The following PTPRE variants were observed in gnomAD, a reference collection of about 807,000 sequenced individuals.
PTPRE encodes protein tyrosine phosphatase receptor type E, also known as receptor-type tyrosine-protein phosphatase epsilon.
In PTPRE, 51 loss-of-function variants were observed where a neutral mutation model predicts 102.0. The ratio of observed to expected loss-of-function variants is 0.50; its 90% CI spans 0.40 to 0.63. The LOEUF (loss-of-function observed/expected upper bound fraction) is 0.63, where lower values mean the gene tolerates loss of function less well. Ranked by LOEUF, PTPRE falls within the 30% of genes least tolerant of loss-of-function variation. The pLI is 0.00. For synonymous variants in PTPRE, 345 were observed against 348.2 expected (o/e 0.99, Z 0.10); for missense variants, 752 against 915.1 (o/e 0.82, Z 2.30).
intron 1 of PTPRE, among the ~76,000 whole-genome samples, chr10:127,913,335 T>G (rs1406274726): frequency 6.6e-6 from 1 of 152,224 alleles, no homozygotes; most frequent in Non-Finnish European, 1.5e-5. Context: ...CAAACATAAT[T>G]TTTGGTTATT....
At chr10:128,080,416 G>A (rs537889633) in intron 20 of PTPRE, among the ~76,000 whole-genome samples, 1 of 152,302 alleles carries the variant, frequency 6.6e-6, no homozygotes, top group East Asian at 1.9e-4. Context: ...AGAGAGGCAG[G>A]AAGGAGGCCC....
chr10:128,049,795 T>G, intron 6 of PTPRE, 129 bp downstream of exon 6: 1 of 1,341,818 alleles, frequency 7.5e-7, no homozygotes, highest in Non-Finnish European at 1.0e-6. Context: ...GTCCCATGAA[T>G]GGGCGTGTGA....
rs1396384256 is a variant in PTPRE at position 128,008,372 on chromosome 10, C to T, written c.-8+26076C>T. 2.0e-5 allele frequency among the ~76,000 whole-genome samples: 3 copies of T among 152,080 alleles called. No homozygotes were observed. The highest frequency in any genetic ancestry group is 4.4e-5 in the Non-Finnish European group (3 of 68,026). On this transcript the variant is annotated intron_variant, in intron 2 of 20. Transcript: ENST00000254667. This position sits in a 1 kb window ranked among gnomAD's most constrained non-coding sequence, Gnocchi z 4.0. ...AAGGTGAGATAAAGTCCCTGGGATGCCAAGCTCTCTCTGGACCTGAAAAAG... is the reference window on the plus strand; with the variant it reads ...AAGGTGAGATAAAGTCCCTGGGATGTCAAGCTCTCTCTGGACCTGAAAAAG...
chr10:127,949,611 C>G (rs1275922808), intron 1 of PTPRE, among the ~76,000 whole-genome samples: 1 of 152,166 alleles, frequency 6.6e-6, no homozygotes, highest in Non-Finnish European at 1.5e-5. Context: ...GAATATGCCA[C>G]GTTCATTGGT....
intron 1 of PTPRE, among the ~76,000 whole-genome samples, chr10:127,978,002 A>T (rs1851314559): frequency 6.6e-6 from 1 of 152,202 alleles, no homozygotes; most frequent in Admixed American, 6.5e-5. Context: ...GGGCCAGGCT[A>T]CTTCCAAAGA....
At chr10:127,970,750 T>C (rs531136181) in intron 1 of PTPRE, among the ~76,000 whole-genome samples, 3 of 151,390 alleles carry the variant, frequency 2.0e-5, no homozygotes, top group Non-Finnish European at 4.4e-5. Flanking sequence ...GTTTCCATCA[T>C]GGCTGCGCTC....
intron 11 of PTPRE, among the ~76,000 whole-genome samples, chr10:128,067,145 G>GCA (rs71889727): frequency 0.13 from 18,146 of 143,272 alleles, 1,253 homozygotes; most frequent in East Asian, 0.25. Flanking sequence ...ACACACATGT[G>GCA]CACACACACC....
At chr10:128,038,494 CATGTCCT>C (rs1397099339) in intron 2 of PTPRE, among the ~76,000 whole-genome samples, 2 of 152,106 alleles carry the variant, frequency 1.3e-5, no homozygotes, top group Non-Finnish European at 2.9e-5. Flanking sequence ...GGGATGAGTT[CATGTCCT>C]TTGTAGGGAC....
chr10:128,049,423 G>C, intron 5 of PTPRE, 107 bp from the exon 6 acceptor site: 2 of 1,406,438 alleles, frequency 1.4e-6, no homozygotes, highest in Admixed American at 3.7e-5. Context: ...AACTGTTCCA[G>C]CTCCAGCCTG....
intron 1 of PTPRE, among the ~76,000 whole-genome samples, chr10:127,950,362 C>T (rs1478118636): frequency 6.6e-6 from 1 of 152,068 alleles, no homozygotes; most frequent in Non-Finnish European, 1.5e-5. Flanking sequence ...AAAGATGGTC[C>T]ACCATGACTG....
intron 7 of PTPRE, among the ~76,000 whole-genome samples, chr10:128,058,933 T>C (rs1446601635): frequency 1.3e-5 from 2 of 152,190 alleles, no homozygotes; most frequent in Admixed American, 1.3e-4. Flanking sequence ...TCAAGGTGCT[T>C]TGCATGTCAG....
At chr10:127,923,473 G>A (rs1016418865) in intron 1 of PTPRE, among the ~76,000 whole-genome samples, 12 of 142,320 alleles carry the variant, frequency 8.4e-5, no homozygotes, top group East Asian at 4.2e-4. Context: ...GCACGAACTC[G>A]GCTCACCGCA....
intron 2 of PTPRE, among the ~76,000 whole-genome samples, chr10:127,994,268 C>G (rs905076443): frequency 6.6e-6 from 1 of 152,192 alleles, no homozygotes; most frequent in African/African-American, 2.4e-5. Flanking sequence ...GGGAGCACAG[C>G]CAGAGCTCTC....
At chr10:128,013,624 T>C (rs1845191285) in intron 2 of PTPRE, among the ~76,000 whole-genome samples, 1 of 151,562 alleles carries the variant, frequency 6.6e-6, no homozygotes, top group African/African-American at 2.4e-5. Flanking sequence ...CCTTGGGAGG[T>C]GATTAGGTCA....
At chr10:127,972,808 G>T (rs189739677) in intron 1 of PTPRE, among the ~76,000 whole-genome samples, 6 of 152,334 alleles carry the variant, frequency 3.9e-5, no homozygotes, top group Admixed American at 3.9e-4. Flanking sequence ...CATGCAGGTG[G>T]CAGGTGGGAG....
chr10:128,067,222 GCA>G (rs149934671), intron 11 of PTPRE, among the ~76,000 whole-genome samples: 6,914 of 99,202 alleles, frequency 0.07, 182 homozygotes, highest in African/African-American at 0.096. Context: ...ACATTCACAT[GCA>G]CACACATGCA....
intron 1 of PTPRE, among the ~76,000 whole-genome samples, chr10:127,917,952 C>A (rs978192646): frequency 2.0e-5 from 3 of 152,096 alleles, no homozygotes; most frequent in African/African-American, 7.2e-5. Context: ...ATCGCTTGAA[C>A]CCATGACACA....
rs781329478 is a variant in PTPRE at position 128,069,790 on chromosome 10, G to A, written c.1106G>A (p.Arg369Gln). The A allele has an allele frequency of 1.3e-5, 21 of 1,614,200 alleles. No homozygotes were observed. The highest frequency in any genetic ancestry group is 1.7e-5 in the Non-Finnish European group (20 of 1,180,036). The change falls in exon 13 of 21, where the codon CGA becomes CAA. Residue 369 changes from arginine (R) to glutamine (Q), a missense_variant. Transcript: ENST00000254667. The stretch of plus-strand genomic sequence containing the variant: ...GTGGATGTGTTTGAATTTGTGTCTC[G>A]AATCCGTAATCAGCGCCCTCAGATG... ...QKVDVFEFVS[R>Q]IRNQRPQMVQ... is the part of the protein sequence containing the mutation.
chr10:127,993,936 C>G (rs1470617024), intron 2 of PTPRE, among the ~76,000 whole-genome samples: 6 of 152,098 alleles, frequency 3.9e-5, no homozygotes, highest in African/African-American at 1.4e-4. Context: ...CTGGTCGGGG[C>G]AGGAAGTGGA....
Sources: allele counts gnomAD v4.1 joint callset (sites outside exome capture counted in the v4.1 genomes callset), GRCh38; gene constraint gnomAD v4.1.1; non-coding constraint Gnocchi (gnomAD v3.1); transcripts MANE v1.5; gene names NCBI Gene and HGNC (gene_info 2026-07-23, HGNC 2026-07-21).